USH2A: variants seen among roughly 807,000 people sequenced by gnomAD.
USH2A encodes the protein usherin.
In USH2A, 443 loss-of-function variants were observed where a neutral mutation model predicts 538.9. The observed-to-expected ratio is 0.82, with a 90% CI of 0.76 to 0.89. USH2A has a LOEUF of 0.89. Ranked by LOEUF, USH2A falls within the 40% of genes least tolerant of loss-of-function variation. The pLI is 0.00. For synonymous variants in USH2A, 2,413 were observed against 2,273.5 expected (o/e 1.06, Z -1.75); for missense variants, 6,633 against 6,324.8 (o/e 1.05, Z -1.65).
intron 41 of USH2A, 118 bp from the exon 42 acceptor site, chr1:215,879,216 T>C: frequency 1.2e-6 from 1 of 835,638 alleles, no homozygotes; most frequent in Non-Finnish European, 2.0e-6. Flanking sequence ...AATGGCTACA[T>C]TCTCCTGAGG....
intron 55 of USH2A, among the ~76,000 whole-genome samples, chr1:215,772,049 T>C (rs1404603907): frequency 6.6e-6 from 1 of 152,236 alleles, no homozygotes; most frequent in Non-Finnish European, 1.5e-5. Flanking sequence ...CCTGATGACC[T>C]TTCATATATA....
chr1:216,373,804 G>A lies in USH2A; in HGVS notation c.652-8719C>T, dbSNP rs114611148. On this transcript the variant is annotated intron_variant, in intron 3 of 71. Coordinates refer to ENST00000307340, the MANE Select transcript of USH2A (RefSeq NM_206933.4). ...TTTTCTTTTGATCTGAAAGAGACAC[G>A]TATGTTTATTGCGGCCCTATTCACA... Among the ~76,000 whole-genome samples, 794 of 152,052 alleles carry A rather than the reference G, an allele frequency of 5.2e-3. 5 individuals are homozygous for A. The highest frequency in any genetic ancestry group is 0.018 in the African/African-American group (737 of 41,492).
intron 40 of USH2A, 78 bp from the exon 41 acceptor site, chr1:215,889,132 G>A: frequency 6.5e-6 from 10 of 1,530,504 alleles, no homozygotes; most frequent in Non-Finnish European, 8.9e-6. Context: ...ATGAGTGATA[G>A]CTCTGCTACA....
chr1:216,331,915 A>G (rs1334510217), intron 4 of USH2A, among the ~76,000 whole-genome samples: 2 of 152,156 alleles, frequency 1.3e-5, no homozygotes, highest in African/African-American at 4.8e-5. Context: ...CTGGCAAAGA[A>G]TATCACATCA....
chr1:216,163,385 C>T (rs1046550455), intron 21 of USH2A, among the ~76,000 whole-genome samples: 5 of 151,934 alleles, frequency 3.3e-5, no homozygotes, highest in Admixed American at 6.6e-5. Flanking sequence ...GCATATATAT[C>T]TACATGTATA....
rs779967404 is a variant in USH2A at position 216,199,717 on chromosome 1, C to T, written c.3721G>A (p.Ala1241Thr). 2 of 1,614,052 alleles carry T rather than the reference C, an allele frequency of 1.2e-6. No individual in the cohort carries two copies. Among genetic ancestry groups the T allele is most frequent in the Non-Finnish European group, 1.7e-6 (2 of 1,179,976 alleles). ...GGTGGACTTAGTCTTTGGGGAGGGG[C>T]CTGGGCTGTGGTCACTGTAATGGGC... ...SLPITVTTAQ[A>T]PPQRLSPPKM... is the part of the protein sequence containing the mutation. The change falls in exon 17 of 72, where the codon GCC becomes ACC. Residue 1241 changes from alanine (A) to threonine (T), a missense_variant. By Grantham distance (58) the Ala-to-Thr change is moderately conservative. Transcript: ENST00000307340.
In USH2A at chr1:215,741,367, A is replaced by G. The variant is rs1166649415; in HGVS notation, c.11711+8T>C. Reference sequence around the variant, plus strand: ...ATAACTAAAAATAATAGTAACAGCCAATCTTACCTGTAAATAAAGTAGTTG... The same window carrying G: ...ATAACTAAAAATAATAGTAACAGCCGATCTTACCTGTAAATAAAGTAGTTG... On this transcript the variant is annotated splice_region_variant and intron_variant, in intron 60 of 71. Transcript: ENST00000307340. The G allele has an allele frequency of 1.9e-6, 3 of 1,613,928 alleles. No individual in the cohort carries two copies. Among genetic ancestry groups the G allele is most frequent in the Non-Finnish European group, 2.5e-6 (3 of 1,180,006 alleles).
At chr1:216,196,502 A>C (rs374416177) in intron 19 of USH2A, 51 bp downstream of exon 19, 5 of 1,606,984 alleles carry the variant, frequency 3.1e-6, no homozygotes, top group African/African-American at 1.3e-5. Context: ...AAAATGTCCA[A>C]ATGAAGCCCT....
At chr1:216,103,284 T>C (rs2032638521) in intron 21 of USH2A, among the ~76,000 whole-genome samples, 1 of 152,246 alleles carries the variant, frequency 6.6e-6, no homozygotes. Flanking sequence ...ACCTGCACAC[T>C]GCTACTTTTT....
intron 32 of USH2A, among the ~76,000 whole-genome samples, chr1:216,004,278 A>G (rs752479989): frequency 2.0e-5 from 3 of 152,144 alleles, no homozygotes; most frequent in Non-Finnish European, 2.9e-5. Context: ...TAGGAGTGCA[A>G]ACGGAGTGAG....
At position 216,057,889 on chromosome 1, in the gene USH2A, C is replaced by A. The variant is rs1295304766; in HGVS notation, c.6050-9242G>T. Among the ~76,000 whole-genome samples the A allele has an allele frequency of 2.0e-5, 3 of 152,156 alleles. No homozygotes were observed. The East Asian group carries it at 5.8e-4, about 29-fold the overall frequency. ...CCTTTTCCTCAGTAAAATAAAAACA[C>A]TTTTTACCTGGGCAAGTGGCTACTT... is the stretch of plus-strand genomic sequence containing the variant. On this transcript the variant is annotated intron_variant, in intron 30 of 71. Coordinates refer to ENST00000307340, the MANE Select transcript of USH2A (RefSeq NM_206933.4).
At chr1:215,782,000 C>T (rs1371364880) in intron 54 of USH2A, 42 bp downstream of exon 54, 2 of 1,612,636 alleles carry the variant, frequency 1.2e-6, no homozygotes, top group African/African-American at 2.7e-5. Context: ...ATAATCTTCA[C>T]ACTGAACCCC....
intron 32 of USH2A, among the ~76,000 whole-genome samples, chr1:216,032,139 C>T (rs968857254): frequency 2.0e-5 from 3 of 152,070 alleles, no homozygotes; most frequent in Non-Finnish European, 4.4e-5. Context: ...GTACATAGTA[C>T]CTGCTCAACA....
intron 9 of USH2A, among the ~76,000 whole-genome samples, chr1:216,306,993 G>C (rs556083503): frequency 6.6e-6 from 1 of 152,142 alleles, no homozygotes; most frequent in Non-Finnish European, 1.5e-5. Flanking sequence ...TATTGCACTA[G>C]TTTTGTGTTG....
intron 47 of USH2A, among the ~76,000 whole-genome samples, chr1:215,822,081 T>G (rs1369820184): frequency 6.6e-6 from 1 of 151,882 alleles, no homozygotes; most frequent in Non-Finnish European, 1.5e-5. Flanking sequence ...GTCTTTTTTT[T>G]ACTCAGATTG....
At chr1:215,656,023 C>T (rs1412141934) in intron 64 of USH2A, among the ~76,000 whole-genome samples, 4 of 152,148 alleles carry the variant, frequency 2.6e-5, no homozygotes, top group African/African-American at 2.4e-5. Context: ...CGTAAGCCAC[C>T]GCGCCCGGCC....
chr1:216,290,689 T>C (rs1038274028), intron 10 of USH2A, among the ~76,000 whole-genome samples: 2 of 152,206 alleles, frequency 1.3e-5, no homozygotes, highest in African/African-American at 2.4e-5. Context: ...GCTTCAGAAC[T>C]GTGTTTCCAA....
chr1:215,879,024 G>T lies in USH2A; in HGVS notation c.8298C>A (p.Ile2766=). Reference sequence around the variant, plus strand: ...CTGCGGAAGTCACATTGGTTAAAGTGATGTGAGGGTCAGGCATGTGAATCT... The same window carrying T: ...CTGCGGAAGTCACATTGGTTAAAGTTATGTGAGGGTCAGGCATGTGAATCT... ...SYEIHMPDPH[I]TLTNVTSAVL... is the part of the protein sequence containing the mutation. Residue 2766 remains isoleucine (I), a synonymous_variant, in exon 42 of 72, where the codon ATC becomes ATA. Coordinates refer to ENST00000307340, the MANE Select transcript of USH2A (RefSeq NM_206933.4). 1.2e-6 allele frequency: 2 copies of T among 1,614,066 alleles called. No homozygotes were observed. Among genetic ancestry groups the T allele is most frequent in the Admixed American group, 3.3e-5 (2 of 60,012 alleles).
intron 9 of USH2A, among the ~76,000 whole-genome samples, chr1:216,306,557 G>A (rs2037320348): frequency 6.6e-6 from 1 of 152,142 alleles, no homozygotes; most frequent in South Asian, 2.1e-4. Context: ...AAGCTATTGT[G>A]ATCTTTTGGG....
Sources: gnomAD v4.1 joint callset for allele counts (sites outside exome capture counted in the v4.1 genomes callset) on GRCh38, gnomAD v4.1.1 for gene constraint, MANE v1.5 for transcripts, NCBI Gene and HGNC (gene_info 2026-07-23, HGNC 2026-07-21) for gene names.